The following CCDC184 variants were observed in gnomAD, a reference collection of about 807,000 sequenced individuals.
CCDC184 encodes coiled-coil domain containing 184.
Under a neutral mutation model 10.4 loss-of-function variants are expected in CCDC184, and 11 were observed. That is an observed-to-expected ratio of 1.06 (90% confidence interval 0.67 to 1.75). CCDC184 has a LOEUF of 1.75. Ranked by LOEUF, CCDC184 falls within the 40% of genes most tolerant of loss-of-function variation. The pLI, the probability that CCDC184 is intolerant of heterozygous loss-of-function variation, is 0.00. For synonymous variants in CCDC184, 102 were observed against 116.1 expected (o/e 0.88, Z 0.78); for missense variants, 264 against 267.9 (o/e 0.99, Z 0.10).
In CCDC184 at chr12:48,184,093, A is replaced by G. The variant is rs770563905; in HGVS notation, c.-30A>G. ...CCGGAGGCCGGGCTGGACGCGACCC[A>G]GAGCCTCCGCCACCCGCTTCTGCCA... On this transcript the variant is annotated 5_prime_UTR_variant, in exon 1 of 1. Transcript: ENST00000316554. 1 of 1,142,638 alleles carries G rather than the reference A, an allele frequency of 8.8e-7. No individual in the cohort carries two copies. The highest frequency in any genetic ancestry group is 1.2e-6 in the Non-Finnish European group (1 of 845,082). 70.8% of individuals were successfully genotyped at this position (1,142,638 alleles called of 1,614,324 possible). A position where few individuals can be genotyped will look rare whatever the true frequency, so the allele number is the denominator to read the frequency against.
Position 48,184,108 on chromosome 12 carries a change from C to T in CCDC184, c.-15C>T, listed in dbSNP as rs773428562. On this transcript the variant is annotated 5_prime_UTR_variant, in exon 1 of 1. Transcript: ENST00000316554. ...GACGCGACCCAGAGCCTCCGCCACC[C>T]GCTTCTGCCACTCAATGGAGGACGG... is the stretch of plus-strand genomic sequence containing the variant. The T allele has an allele frequency of 6.3e-7, 1 of 1,596,434 alleles. No homozygotes were observed. Among genetic ancestry groups the T allele is most frequent in the South Asian group, 1.1e-5 (1 of 89,802 alleles).
rs1346981357 is a variant in CCDC184 at position 48,185,438 on chromosome 12, G to A, written c.*731G>A. 3.6e-5 allele frequency: 6 copies of A among 167,086 alleles called. No homozygotes were observed. The highest frequency in any genetic ancestry group is 1.4e-4 in the African/African-American group (6 of 41,426). 10.4% of individuals were successfully genotyped at this position (167,086 alleles called of 1,614,324 possible). A position where few individuals can be genotyped will look rare whatever the true frequency, so the allele number is the denominator to read the frequency against. ...CACTCCCTGGGGCTTAGAGAACAAA[G>A]AGCCCGGTTCACAGGCAGAGACTCG... is the stretch of plus-strand genomic sequence containing the variant. On this transcript the variant is annotated 3_prime_UTR_variant, in exon 1 of 1. Transcript: ENST00000316554.
At position 48,183,963 on chromosome 12, in the gene CCDC184, G is replaced by T; in HGVS notation, c.-160G>T. The stretch of plus-strand genomic sequence containing the variant: ...GATCCTGCCTGCGCCCTCTGCCCAG[G>T]ACTCGTCTCTCACGTCGGCTCCCCG... On this transcript the variant is annotated 5_prime_UTR_variant, in exon 1 of 1. Coordinates refer to ENST00000316554, the MANE Select transcript of CCDC184 (RefSeq NM_001013635.4). 1 of 613,348 alleles carries T rather than the reference G, an allele frequency of 1.6e-6. No individual in the cohort carries two copies. Among genetic ancestry groups the T allele is most frequent in the Non-Finnish European group, 2.9e-6 (1 of 348,712 alleles). The allele number at this position is 613,348 out of a possible 1,614,324, so 38.0% of individuals were successfully genotyped here.
In CCDC184 at chr12:48,184,956, C is replaced by G; in HGVS notation, c.*249C>G. On this transcript the variant is annotated 3_prime_UTR_variant, in exon 1 of 1. Transcript: ENST00000316554. ...GGTGAGGCTCCGGGAGAGGAAGCGC[C>G]CATCTCTGGACTCCCATCCATCCCT... is the stretch of plus-strand genomic sequence containing the variant. The G allele has an allele frequency of 2.0e-6, 1 of 495,450 alleles. No individual in the cohort carries two copies. Among genetic ancestry groups the G allele is most frequent in the Non-Finnish European group, 3.7e-6 (1 of 269,760 alleles). 30.7% of individuals were successfully genotyped at this position (495,450 alleles called of 1,614,324 possible). A position where few individuals can be genotyped will look rare whatever the true frequency, so the allele number is the denominator to read the frequency against.
chr12:48,185,397 T>C lies in CCDC184; in HGVS notation c.*690T>C, dbSNP rs957928046. 2 of 167,100 alleles carry C rather than the reference T, an allele frequency of 1.2e-5. No homozygotes were observed. The highest frequency in any genetic ancestry group is 4.8e-5 in the African/African-American group (2 of 41,410). 10.4% of individuals were successfully genotyped at this position (167,100 alleles called of 1,614,324 possible). ...GGATCCTGCCTTGTCACTGACTTCA[T>C]CTGGGATTGCTTTTCCACTCCCTGG... On this transcript the variant is annotated 3_prime_UTR_variant, in exon 1 of 1. Coordinates refer to ENST00000316554, the MANE Select transcript of CCDC184 (RefSeq NM_001013635.4).
In CCDC184 at chr12:48,183,918, G is replaced by GC. The variant is rs1951483157; in HGVS notation, c.-203dup. The GC allele has an allele frequency of 1.8e-6, 1 of 560,640 alleles. No homozygotes were observed. The highest frequency in any genetic ancestry group is 3.0e-5 in the Admixed American group (1 of 32,942). The allele number at this position is 560,640 out of a possible 1,614,324, so 34.7% of individuals were successfully genotyped here. ...ACCCTCGCCGGGTCCTCGTCCCGCA[G>GC]CCTCTTCTCGGCCTCCCGCGATCCT... On this transcript the variant is annotated 5_prime_UTR_variant, in exon 1 of 1. Transcript: ENST00000316554.
In CCDC184 at chr12:48,185,878, C is replaced by G. The variant is rs187598915; in HGVS notation, c.*1171C>G. On this transcript the variant is annotated 3_prime_UTR_variant, in exon 1 of 1. Transcript: ENST00000316554. ...TCCCCCTCCTTTGTGTATTCCTTCT[C>G]AATGCTTTCCTTGGTGTTAACCTTA... 6.0e-6 allele frequency: 1 copy of G among 167,556 alleles called. No homozygotes were observed. The highest frequency in any genetic ancestry group is 6.5e-5 in the Admixed American group (1 of 15,300). 10.4% of individuals were successfully genotyped at this position (167,556 alleles called of 1,614,324 possible).
In CCDC184 at chr12:48,184,718, T is replaced by TG. The variant is rs1429332230; in HGVS notation, c.*15dup. 3.8e-6 allele frequency: 6 copies of TG among 1,583,076 alleles called. No individual in the cohort carries two copies. The highest frequency in any genetic ancestry group is 1.1e-5 in the South Asian group (1 of 88,034). The stretch of plus-strand genomic sequence containing the variant: ...GAGGCCTCCCTGTGAGGGGACTCCG[T>TG]GGGGCACTACCTTCCCGGGCTGTCT... On this transcript the variant is annotated 3_prime_UTR_variant, in exon 1 of 1. Transcript: ENST00000316554.
Position 48,184,600 on chromosome 12 carries a change from C to T in CCDC184, c.478C>T (p.Pro160Ser), listed in dbSNP as rs1951490185. The T allele has an allele frequency of 6.4e-7, 1 of 1,563,780 alleles. No homozygotes were observed. Among genetic ancestry groups the T allele is most frequent in the Non-Finnish European group, 8.7e-7 (1 of 1,155,090 alleles). Residue 160 changes from proline to serine, a missense_variant, in exon 1 of 1, where the codon CCC becomes TCC. By Grantham distance (74) the Pro-to-Ser change is moderately conservative. Coordinates refer to ENST00000316554, the MANE Select transcript of CCDC184 (RefSeq NM_001013635.4). The stretch of plus-strand genomic sequence containing the variant: ...CACACCCTCCAGTCACTGTGAGCGC[C>T]CCGAAAGCCCCTGTGCTGGTCTCCT... ...PATPSSHCER[P>S]ESPCAGLLGG...
chr12:48,184,436 T>G lies in CCDC184; in HGVS notation c.314T>G (p.Val105Gly), dbSNP rs957383238. Residue 105 changes from valine to glycine, a missense_variant, in exon 1 of 1, where the codon GTC (valine) becomes GGC (glycine). Coordinates refer to ENST00000316554, the MANE Select transcript of CCDC184 (RefSeq NM_001013635.4). ...CCCCGCCAGGGCGGCTTGGGCGTGGTCGGCGGCAAGGGGAGCTTCCAGAGC... is the reference window on the plus strand; with the variant it reads ...CCCCGCCAGGGCGGCTTGGGCGTGGGCGGCGGCAAGGGGAGCTTCCAGAGC... ...TAPRQGGLGV[V>G]GGKGSFQSDP... The G allele has an allele frequency of 6.2e-7, 1 of 1,609,352 alleles. No homozygotes were observed. The highest frequency in any genetic ancestry group is 8.5e-7 in the Non-Finnish European group (1 of 1,179,838).
In CCDC184 at chr12:48,185,046, T is replaced by A; in HGVS notation, c.*339T>A. On this transcript the variant is annotated 3_prime_UTR_variant, in exon 1 of 1. Coordinates refer to ENST00000316554, the MANE Select transcript of CCDC184 (RefSeq NM_001013635.4). ...GTGAATTGTGTAAATAAAATTCTGCTTTTTCTATTCTGAAAAAGGACTTAC... is the reference window on the plus strand; with the variant it reads ...GTGAATTGTGTAAATAAAATTCTGCATTTTCTATTCTGAAAAAGGACTTAC... The A allele has an allele frequency of 4.1e-6, 1 of 245,034 alleles. No homozygotes were observed. Among genetic ancestry groups the A allele is most frequent in the African/African-American group, 2.3e-5 (1 of 44,322 alleles). The allele number at this position is 245,034 out of a possible 1,614,324, so 15.2% of individuals were successfully genotyped here.
chr12:48,184,313 C>T lies in CCDC184; in HGVS notation c.191C>T (p.Ala64Val). The change falls in exon 1 of 1, where the codon GCC becomes GTC. Residue 64 changes from alanine to valine, a missense_variant. Ala to Val is a moderately conservative substitution (Grantham distance 64). Transcript: ENST00000316554. ...GAGGACGTGAGGGCCATGAGGGGGG[C>T]CCTGGACGAGCAGGCCTCGCACATC... The part of the protein sequence containing the change: ...LFEDVRAMRG[A>V]LDEQASHIQV... 6.2e-7 allele frequency: 1 copy of T among 1,614,112 alleles called. No homozygotes were observed. The highest frequency in any genetic ancestry group is 8.5e-7 in the Non-Finnish European group (1 of 1,180,012).
rs759097956 is a variant in CCDC184 at position 48,184,628 on chromosome 12, G to A, written c.506G>A (p.Gly169Glu). The A allele has an allele frequency of 1.3e-6, 2 of 1,580,354 alleles. No individual in the cohort carries two copies. Among genetic ancestry groups the A allele is most frequent in the Non-Finnish European group, 1.7e-6 (2 of 1,163,576 alleles). ...GAAAGCCCCTGTGCTGGTCTCCTTG[G>A]GGGGGACGGGCCACTTGTGGAGCCC... ...RPESPCAGLL[G>E]GDGPLVEPLD... is the part of the protein sequence containing the mutation. The change falls in exon 1 of 1, where the codon GGG becomes GAG. Residue 169 changes from glycine to glutamate, a missense_variant. Coordinates refer to ENST00000316554, the MANE Select transcript of CCDC184 (RefSeq NM_001013635.4).
In CCDC184 at chr12:48,183,981, G is replaced by A. The variant is rs1951483615; in HGVS notation, c.-142G>A. ...TGCCCAGGACTCGTCTCTCACGTCG[G>A]CTCCCCGCCAGTCTCGGGAGCCTCC... On this transcript the variant is annotated 5_prime_UTR_variant, in exon 1 of 1. Transcript: ENST00000316554. 1.6e-5 allele frequency: 10 copies of A among 635,950 alleles called. No homozygotes were observed. In the South Asian group the frequency reaches 2.0e-4, roughly 12 times the overall value. The allele number at this position is 635,950 out of a possible 1,614,324, so 39.4% of individuals were successfully genotyped here.
Position 48,184,679 on chromosome 12 carries a change from T to G in CCDC184, c.557T>G (p.Leu186Arg). Residue 186 changes from leucine (L) to arginine (R), a missense_variant, in exon 1 of 1, where the codon CTG (leucine) becomes CGG (arginine). Coordinates refer to ENST00000316554, the MANE Select transcript of CCDC184 (RefSeq NM_001013635.4). ...CTCGACATGCCCGACATTACCCTGCTGCAACTGGAGGGCGAGGCCTCCCTG... is the reference window on the plus strand; with the variant it reads ...CTCGACATGCCCGACATTACCCTGCGGCAACTGGAGGGCGAGGCCTCCCTG... ...EPLDMPDITL[L>R]QLEGEASL 6.2e-7 allele frequency: 1 copy of G among 1,603,476 alleles called. No individual in the cohort carries two copies. Among genetic ancestry groups the G allele is most frequent in the Non-Finnish European group, 8.5e-7 (1 of 1,174,330 alleles).
Position 48,184,749 on chromosome 12 carries a change from T to C in CCDC184, c.*42T>C. On this transcript the variant is annotated 3_prime_UTR_variant, in exon 1 of 1. Transcript: ENST00000316554. ...ACTACCTTCCCGGGCTGTCTTTGGG[T>C]TTCCGAGTGCATGACGCGAGGGGGA... 6.7e-7 allele frequency: 1 copy of C among 1,494,648 alleles called. No homozygotes were observed. Among genetic ancestry groups the C allele is most frequent in the African/African-American group, 1.4e-5 (1 of 71,966 alleles). The allele number at this position is 1,494,648 out of a possible 1,614,324, so 92.6% of individuals were successfully genotyped here. A position where few individuals can be genotyped will look rare whatever the true frequency, so the allele number is the denominator to read the frequency against.
In CCDC184 at chr12:48,184,974, C is replaced by T; in HGVS notation, c.*267C>T. On this transcript the variant is annotated 3_prime_UTR_variant, in exon 1 of 1. Coordinates refer to ENST00000316554, the MANE Select transcript of CCDC184 (RefSeq NM_001013635.4). ...GAAGCGCCCATCTCTGGACTCCCAT[C>T]CATCCCTATCCTGTCCTTTCCCCCT... 2.2e-6 allele frequency: 1 copy of T among 448,886 alleles called. No homozygotes were observed. Among genetic ancestry groups the T allele is most frequent in the South Asian group, 4.9e-5 (1 of 20,238 alleles). 27.8% of individuals were successfully genotyped at this position (448,886 alleles called of 1,614,324 possible).
rs996268647 is a variant in CCDC184 at position 48,185,319 on chromosome 12, T to A, written c.*612T>A. Reference sequence around the variant, plus strand: ...CCCCTGGGCTGGGAGGAGCTGGCTATGAATGTGCATGAAGACATAATAGCT... The same window carrying A: ...CCCCTGGGCTGGGAGGAGCTGGCTAAGAATGTGCATGAAGACATAATAGCT... On this transcript the variant is annotated 3_prime_UTR_variant, in exon 1 of 1. Transcript: ENST00000316554. The A allele has an allele frequency of 1.2e-5, 2 of 167,128 alleles. No individual in the cohort carries two copies. Among genetic ancestry groups the A allele is most frequent in the Non-Finnish European group, 2.9e-5 (2 of 68,228 alleles). 10.4% of individuals were successfully genotyped at this position (167,128 alleles called of 1,614,324 possible).
In CCDC184 at chr12:48,184,053, A is replaced by ACCCCCC; in HGVS notation, c.-65_-64insCCCCCC. 3 of 340,966 alleles carry ACCCCCC rather than the reference A, an allele frequency of 8.8e-6. No homozygotes were observed. Among genetic ancestry groups the ACCCCCC allele is most frequent in the South Asian group, 3.2e-5 (1 of 31,656 alleles). 21.1% of individuals were successfully genotyped at this position (340,966 alleles called of 1,614,324 possible). ...CCCCTCCCGGGACCTCTCCCCCTCC[A>ACCCCCC]CCCCCTCCCCCACCCCGGAGGCCGG... is the stretch of plus-strand genomic sequence containing the variant. On this transcript the variant is annotated 5_prime_UTR_variant, in exon 1 of 1. Transcript: ENST00000316554.
Sources: gnomAD v4.1 joint callset for allele counts on GRCh38, gnomAD v4.1.1 for gene constraint, MANE v1.5 for transcripts, NCBI Gene and HGNC (gene_info 2026-07-23, HGNC 2026-07-21) for gene names.